The following SLC25A48 variants were observed in gnomAD, a reference collection of about 807,000 sequenced individuals.
SLC25A48 encodes the protein solute carrier family 25 member 48, also known as CTC-321K16.1.
Under a neutral mutation model 32.2 loss-of-function variants are expected in SLC25A48, and 29 were observed. That is an observed-to-expected ratio of 0.90 (90% CI 0.67 to 1.23). SLC25A48 has a LOEUF of 1.23. Among genes scored for constraint, SLC25A48 ranks in the 50% most tolerant of loss-of-function variants. SLC25A48 has a pLI of 0.00. For synonymous variants in SLC25A48, 164 were observed against 172.3 expected (o/e 0.95, Z 0.38); for missense variants, 399 against 422.7 (o/e 0.94, Z 0.49).
chr5:135,879,371 G>A (rs751425289), intron 6 of SLC25A48, among the ~76,000 whole-genome samples: 20 of 152,026 alleles, frequency 1.3e-4, no homozygotes, highest in Non-Finnish European at 1.9e-4. Flanking sequence ...ATTATTACCC[G>A]CCCCTTACAG....
intron 1 of SLC25A48, among the ~76,000 whole-genome samples, chr5:135,616,093 G>A (rs559703066): frequency 1.3e-5 from 2 of 152,352 alleles, no homozygotes; most frequent in East Asian, 1.9e-4. Context: ...GTATGGAAAA[G>A]CCTAAATGTC....
chr5:135,602,626 T>A (rs904111879), intron 1 of SLC25A48, among the ~76,000 whole-genome samples: 3 of 151,590 alleles, frequency 2.0e-5, no homozygotes, highest in Non-Finnish European at 2.9e-5. Context: ...TTTTTTTTTT[T>A]ATTATACTTT....
At chr5:135,813,425 C>T (rs1757638540) in intron 4 of SLC25A48, among the ~76,000 whole-genome samples, 1 of 152,098 alleles carries the variant, frequency 6.6e-6, no homozygotes, top group African/African-American at 2.4e-5. Flanking sequence ...GAAGGAATAG[C>T]ACACAGTGAC....
intron 3 of SLC25A48, among the ~76,000 whole-genome samples, chr5:135,786,335 G>A (rs1461336091): frequency 6.6e-6 from 1 of 152,132 alleles, no homozygotes; most frequent in African/African-American, 2.4e-5. Context: ...TGTACACCAT[G>A]TGTGTACACC....
rs558741859 is a variant in SLC25A48 at position 135,716,292 on chromosome 5, C to T, written c.-521+81336C>T. ...AATTACTGAGAAAACTGGGAGAGAA[C>T]TGCTCCACTCCACCACCCGCTCCAC... On this transcript the variant is annotated intron_variant, in intron 3 of 10. Transcript: ENST00000646290. Among the ~76,000 whole-genome samples the T allele has an allele frequency of 1.5e-3, 223 of 152,316 alleles. 1 individual carries two copies. Among genetic ancestry groups the T allele is most frequent in the Admixed American group, 3.6e-3 (55 of 15,296 alleles).
At chr5:135,739,060 C>T (rs1395182606) in intron 3 of SLC25A48, among the ~76,000 whole-genome samples, 6 of 152,092 alleles carry the variant, frequency 3.9e-5, no homozygotes, top group Non-Finnish European at 8.8e-5. Context: ...CCAGCCTGGG[C>T]AACACAGCGA....
intron 3 of SLC25A48, among the ~76,000 whole-genome samples, chr5:135,697,221 ACT>A (rs1301871845): frequency 1.3e-5 from 2 of 152,140 alleles, no homozygotes; most frequent in African/African-American, 4.8e-5. Context: ...GCTTTTTAAA[ACT>A]CTAAGTTCCA....
chr5:135,854,358 A>T (rs939563142), intron 4 of SLC25A48, among the ~76,000 whole-genome samples: 10 of 152,236 alleles, frequency 6.6e-5, no homozygotes, highest in African/African-American at 2.4e-4. Context: ...TTCCAATAGA[A>T]GGCTGTTTTG....
At chr5:135,737,412 A>G (rs1435498918) in intron 3 of SLC25A48, among the ~76,000 whole-genome samples, 1 of 152,096 alleles carries the variant, frequency 6.6e-6, no homozygotes, top group Non-Finnish European at 1.5e-5. Flanking sequence ...TTCTTCAGTT[A>G]CTTCAGGCCA....
Position 135,646,029 on chromosome 5 carries a change from T to C in SLC25A48, c.-521+11073T>C, listed in dbSNP as rs373300235. On this transcript the variant is annotated intron_variant, in intron 3 of 10. Coordinates refer to the SLC25A48 transcript ENST00000646290. ...CTTGGGAATAGCTGCAAGTTTTCTG[T>C]TTGTGTGAAAAAGAGCCTTAGGAAG... is the stretch of plus-strand genomic sequence containing the variant. 1.6e-4 allele frequency among the ~76,000 whole-genome samples: 25 copies of C among 152,262 alleles called. No homozygotes were observed. In the East Asian group the frequency reaches 3.1e-3, roughly 19 times the overall value.
chr5:135,874,048 C>G lies in SLC25A48; in HGVS notation c.707C>G (p.Pro236Arg), dbSNP rs1279861213. 5.2e-6 allele frequency: 8 copies of G among 1,532,706 alleles called. No individual in the cohort carries two copies. The highest frequency in any genetic ancestry group is 7.0e-6 in the Non-Finnish European group (8 of 1,145,742). The allele number at this position is 1,532,706 out of a possible 1,614,324, so 94.9% of individuals were successfully genotyped here. The change falls in exon 6 of 8, where the codon CCT (proline) becomes CGT (arginine). Residue 236 changes from proline to arginine, a missense_variant. Transcript: ENST00000681962. The stretch of plus-strand genomic sequence containing the variant: ...GCAATTTCTTGGGGGACAGCGACTC[C>G]TATGGATGTCGTGAAAAGTCGACTC... ...AGAISWGTATPMDVVKSRLQA... is the reference protein window; with the variant it reads ...AGAISWGTATRMDVVKSRLQA...
At chr5:135,590,249 G>A (rs2126875637) in intron 1 of SLC25A48, among the ~76,000 whole-genome samples, 1 of 152,330 alleles carries the variant, frequency 6.6e-6, no homozygotes. Flanking sequence ...GACTCCCAGG[G>A]AACTGGACCT....
intron 3 of SLC25A48, among the ~76,000 whole-genome samples, chr5:135,759,818 T>C (rs915556932): frequency 7.6e-5 from 11 of 144,538 alleles, no homozygotes; most frequent in African/African-American, 2.3e-4. Context: ...TTTTTACTTG[T>C]TATATATCAT....
chr5:135,840,600 TA>T (rs1244870350), intron 1 of SLC25A48, among the ~76,000 whole-genome samples: 1 of 152,222 alleles, frequency 6.6e-6, no homozygotes, highest in Non-Finnish European at 1.5e-5. Context: ...TGGCAACCAC[TA>T]ACTTAGTTTC....
upstream of SLC25A48, among the ~76,000 whole-genome samples, chr5:135,832,199 C>T (rs995233717): frequency 3.9e-5 from 6 of 152,014 alleles, no homozygotes; most frequent in South Asian, 2.1e-4. Flanking sequence ...GGGGGTTATA[C>T]GCTGAGAGAT....
At chr5:135,664,915 C>T (rs992213655) in intron 3 of SLC25A48, among the ~76,000 whole-genome samples, 2 of 152,128 alleles carry the variant, frequency 1.3e-5, no homozygotes, top group African/African-American at 4.8e-5. Flanking sequence ...GATATACTGA[C>T]TTCTTTTCCT....
chr5:135,804,395 A>C (rs1308089432), intron 3 of SLC25A48, among the ~76,000 whole-genome samples: 2 of 151,738 alleles, frequency 1.3e-5, no homozygotes, highest in Non-Finnish European at 2.9e-5. Context: ...CCCATAATGT[A>C]CACCCCCTGT....
At chr5:135,848,576 T>C (rs922613686) in intron 2 of SLC25A48, among the ~76,000 whole-genome samples, 20 of 152,232 alleles carry the variant, frequency 1.3e-4, no homozygotes, top group African/African-American at 4.3e-4. Context: ...TATTTTCCTC[T>C]GTAGTACTTG....
At chr5:135,646,458 G>A (rs2126920949) in intron 3 of SLC25A48, among the ~76,000 whole-genome samples, 1 of 151,948 alleles carries the variant, frequency 6.6e-6, no homozygotes, top group Non-Finnish European at 1.5e-5. Context: ...CCACCTCCTG[G>A]CCACCTAGAC....
Sources: gnomAD v4.1 joint callset for allele counts (sites outside exome capture counted in the v4.1 genomes callset) on GRCh38, gnomAD v4.1.1 for gene constraint, MANE v1.5 for transcripts, NCBI Gene and HGNC (gene_info 2026-07-23, HGNC 2026-07-21) for gene names.